The following METTL16 variants were observed in gnomAD, a reference collection of about 807,000 sequenced individuals.
The protein encoded by METTL16 is RNA N(6)-adenosine-methyltransferase METTL16.
Under a neutral mutation model 57.9 loss-of-function variants are expected in METTL16, and 19 were observed. That is an observed-to-expected ratio of 0.33 (90% CI 0.23 to 0.48). The LOEUF is 0.48. Ranked by LOEUF, METTL16 falls within the 20% of genes least tolerant of loss-of-function variation. The probability of loss-of-function intolerance (pLI) is 0.99; values close to 1 mark genes in which losing one functional copy is unlikely to be tolerated. For synonymous variants in METTL16, 246 were observed against 255.6 expected, an observed-to-expected ratio of 0.96 and a Z score of 0.36; for missense variants, 434 against 691.5, an observed-to-expected ratio of 0.63 and a Z score of 4.18.
intron 7 of METTL16, among the ~76,000 whole-genome samples, chr17:2,439,767 AG>A (rs1343178374): frequency 6.6e-6 from 1 of 152,224 alleles, no homozygotes; most frequent in African/African-American, 2.4e-5. Context: ...TTGTCAAAAA[AG>A]GCCTTGTTTT....
chr17:2,453,585 T>C (rs2067086600), intron 6 of METTL16, among the ~76,000 whole-genome samples: 1 of 152,182 alleles, frequency 6.6e-6, no homozygotes, highest in Non-Finnish European at 1.5e-5. Flanking sequence ...AAGCAAACTC[T>C]TTACTTTGTA....
intron 5 of METTL16, among the ~76,000 whole-genome samples, chr17:2,464,928 G>A (rs1386274642): frequency 6.6e-6 from 1 of 152,078 alleles, no homozygotes. Flanking sequence ...CAGATAAATT[G>A]GACTTCATCC....
chr17:2,446,653 A>T lies in METTL16; in HGVS notation c.729-5094T>A, dbSNP rs1183537212. Among the ~76,000 whole-genome samples the T allele has an allele frequency of 2.7e-5, 4 of 147,220 alleles. No individual in the cohort carries two copies. The South Asian group carries it at 8.4e-4, about 31-fold the overall frequency. On this transcript the variant is annotated intron_variant, in intron 6 of 9. Transcript: ENST00000263092. ...GGTCTCCTTCCACGGTCTCCCTCTG[A>T]TGCCGAGCCAAGGCTGGACGGTGCT...
At chr17:2,435,618 C>T (rs552325123) in intron 8 of METTL16, among the ~76,000 whole-genome samples, 10 of 152,182 alleles carry the variant, frequency 6.6e-5, no homozygotes, top group Admixed American at 3.3e-4. Context: ...GGCTGAAGTG[C>T]GTCTAACAGA....
At chr17:2,505,157 A>ATT (rs769595066) in intron 1 of METTL16, among the ~76,000 whole-genome samples, 2 of 151,768 alleles carry the variant, frequency 1.3e-5, no homozygotes, top group African/African-American at 2.4e-5. Flanking sequence ...ATATTTTACT[A>ATT]TTATATATAT....
chr17:2,475,030 T>C (rs1306903645), intron 3 of METTL16, among the ~76,000 whole-genome samples: 2 of 152,142 alleles, frequency 1.3e-5, no homozygotes. Context: ...TACCAGCCAC[T>C]CTAGGCCTGC....
intron 8 of METTL16, among the ~76,000 whole-genome samples, chr17:2,430,815 C>A (rs1338011380): frequency 6.6e-6 from 1 of 152,022 alleles, no homozygotes; most frequent in Non-Finnish European, 1.5e-5. Context: ...TTACCAGGAA[C>A]CCCAATTCCC....
At chr17:2,510,824 G>A (rs981782036) in intron 1 of METTL16, among the ~76,000 whole-genome samples, 1 of 151,892 alleles carries the variant, frequency 6.6e-6, no homozygotes, top group African/African-American at 2.4e-5. Flanking sequence ...CACTGCACCT[G>A]GTTAATTTAC....
intron 5 of METTL16, 100 bp from the exon 6 acceptor site, chr17:2,464,450 T>A: frequency 8.5e-7 from 1 of 1,177,242 alleles, no homozygotes; most frequent in Non-Finnish European, 1.2e-6. Context: ...TTGCAATTTT[T>A]ACTTTCCAAA....
chr17:2,471,560 C>T (rs528400997), intron 4 of METTL16, among the ~76,000 whole-genome samples: 113 of 152,160 alleles, frequency 7.4e-4, no homozygotes, highest in African/African-American at 2.3e-3. Flanking sequence ...GAGGCCGAGG[C>T]GGGCAGATCA....
At chr17:2,449,730 G>C (rs1425366595) in intron 6 of METTL16, among the ~76,000 whole-genome samples, 1 of 152,134 alleles carries the variant, frequency 6.6e-6, no homozygotes, top group Non-Finnish European at 1.5e-5. Context: ...TTTTAAAAGA[G>C]ATTTATAGAA....
chr17:2,465,539 T>C (rs1597457312), intron 5 of METTL16, among the ~76,000 whole-genome samples: 1 of 77,184 alleles, frequency 1.3e-5, no homozygotes, highest in African/African-American at 5.7e-5. Flanking sequence ...AGAGCAAGAC[T>C]CCATCTCAAA....
At chr17:2,458,730 A>G (rs573239977) in intron 6 of METTL16, among the ~76,000 whole-genome samples, 5 of 151,752 alleles carry the variant, frequency 3.3e-5, no homozygotes, top group Non-Finnish European at 7.4e-5. Context: ...ATACACACAC[A>G]CTCACACACA....
rs77081582 is a variant in METTL16 at position 2,432,846 on chromosome 17, A to G, written c.888+5263T>C. ...CCAGGCACTAAGTTAAGTACACTTA[A>G]TCCTCAAAACAACCCTATGTGGTAG... On this transcript the variant is annotated intron_variant, in intron 8 of 9. Coordinates refer to ENST00000263092, the MANE Select transcript of METTL16 (RefSeq NM_024086.4). Among the ~76,000 whole-genome samples the G allele has an allele frequency of 9.4e-3, 1,439 of 152,318 alleles. 37 individuals are homozygous for G. The highest frequency in any genetic ancestry group is 0.033 in the African/African-American group (1,364 of 41,568).
In METTL16 at chr17:2,419,811, G is replaced by A; in HGVS notation, c.*159C>T. 2 of 853,092 alleles carry A rather than the reference G, an allele frequency of 2.3e-6. No homozygotes were observed. The highest frequency in any genetic ancestry group is 1.5e-5 in the South Asian group (1 of 67,548). The allele number at this position is 853,092 out of a possible 1,614,324, so 52.8% of individuals were successfully genotyped here. ...TCCCTGTAACTCAAAAAGCGGGAAG[G>A]AGGCGGGGGGAGGTGGGGGACAGAT... On this transcript the variant is annotated 3_prime_UTR_variant, in exon 10 of 10. Coordinates refer to ENST00000263092, the MANE Select transcript of METTL16 (RefSeq NM_024086.4).
intron 2 of METTL16, among the ~76,000 whole-genome samples, chr17:2,491,348 A>G (rs1256378481): frequency 6.6e-6 from 1 of 152,216 alleles, no homozygotes; most frequent in Non-Finnish European, 1.5e-5. Flanking sequence ...TGATGAATAC[A>G]GTATTACCAT....
At chr17:2,431,480 A>T (rs1190450615) in intron 8 of METTL16, among the ~76,000 whole-genome samples, 1 of 152,110 alleles carries the variant, frequency 6.6e-6, no homozygotes, top group African/African-American at 2.4e-5. Context: ...TTTCTTTTGG[A>T]TATAAACTTA....
At chr17:2,430,000 A>C (rs985080745) in intron 8 of METTL16, among the ~76,000 whole-genome samples, 4 of 147,120 alleles carry the variant, frequency 2.7e-5, no homozygotes, top group African/African-American at 9.8e-5. Context: ...TTTAGTGGAG[A>C]CGGGGGTTTC....
chr17:2,470,607 A>C (rs2067228948), intron 4 of METTL16, among the ~76,000 whole-genome samples: 1 of 152,138 alleles, frequency 6.6e-6, no homozygotes, highest in Non-Finnish European at 1.5e-5. Context: ...CCAGGAGTTC[A>C]AGACCAGCCT....
Sources: gnomAD v4.1 joint callset for allele counts (sites outside exome capture counted in the v4.1 genomes callset) on GRCh38, gnomAD v4.1.1 for gene constraint, MANE v1.5 for transcripts, NCBI Gene and HGNC (gene_info 2026-07-23, HGNC 2026-07-21) for gene names.